Variants in NDRG3 observed in about 807,000 individuals in gnomAD.
NDRG3 encodes the protein NDRG family member 3.
In NDRG3, 23 loss-of-function variants were observed where a neutral mutation model predicts 57.2. The ratio of observed to expected loss-of-function variants is 0.40; its 90% CI spans 0.29 to 0.57. NDRG3 has a LOEUF of 0.57. NDRG3 is among the 20% of genes least tolerant of loss of function. NDRG3 has a pLI of 0.42. For missense variants in NDRG3, 384 were observed against 457.3 expected, an observed-to-expected ratio of 0.84 and a Z score of 1.46; for synonymous variants, 132 against 162.6, an observed-to-expected ratio of 0.81 and a Z score of 1.43.
intron 1 of NDRG3, among the ~76,000 whole-genome samples, chr20:36,723,424 T>C (rs1386318976): frequency 6.6e-6 from 1 of 152,112 alleles, no homozygotes; most frequent in Non-Finnish European, 1.5e-5. Context: ...GTCTTGGCCC[T>C]AAACCTATCA....
chr20:36,745,967 A>T, intron 1 of NDRG3, 78 bp downstream of exon 1: 2 of 290,120 alleles, frequency 6.9e-6, no homozygotes, highest in Non-Finnish European at 6.5e-6. Flanking sequence ...GATGCGGGGA[A>T]GGAGCAGGGC....
At chr20:36,654,754 C>T in intron 15 of NDRG3, 2 of 779,382 alleles carry the variant, frequency 2.6e-6, no homozygotes, top group Non-Finnish European at 2.4e-6. Context: ...GCCAGTGCAG[C>T]CAGGAGAGAC....
chr20:36,687,505 A>G lies in NDRG3; in HGVS notation c.307T>C (p.Ser103Pro), dbSNP rs1471327837. Residue 103 changes from serine to proline, a missense_variant, in exon 5 of 16, where the codon TCT becomes CCT. Physicochemically the swap from Ser to Pro is moderately conservative, Grantham distance 74. Coordinates refer to ENST00000349004, the MANE Select transcript of NDRG3 (RefSeq NM_032013.4). ...DAPGQQEGAP[S>P]FPTGYQYPTM... ...TCGTGGCCTTACCCTGTTGGGAAAG[A>G]GGGTGCACCTTCCTGCTGGCCTGGG... 1.2e-6 allele frequency: 2 copies of G among 1,613,616 alleles called. No individual in the cohort carries two copies. The highest frequency in any genetic ancestry group is 2.7e-5 in the African/African-American group (2 of 74,920).
chr20:36,738,064 A>C (rs77470432), intron 1 of NDRG3, among the ~76,000 whole-genome samples: 4 of 137,680 alleles, frequency 2.9e-5, no homozygotes, highest in Non-Finnish European at 6.6e-5. Flanking sequence ...CTCTGTCTCA[A>C]AAAAAAAAAA....
At chr20:36,681,589 T>C (rs542179983) in intron 7 of NDRG3, among the ~76,000 whole-genome samples, 3 of 146,042 alleles carry the variant, frequency 2.1e-5, no homozygotes, top group South Asian at 4.4e-4. Flanking sequence ...TGAGCCGAGA[T>C]TGCACCACTG....
chr20:36,719,939 AC>A (rs1457575421), intron 2 of NDRG3, among the ~76,000 whole-genome samples: 1 of 151,682 alleles, frequency 6.6e-6, no homozygotes, highest in Non-Finnish European at 1.5e-5. Context: ...ACATGGTGAA[AC>A]CCTGTCTCTA....
In NDRG3 at chr20:36,665,439, T is replaced by G. The variant is rs578132234; in HGVS notation, c.693-138A>C. The G allele has an allele frequency of 1.6e-4, 123 of 785,276 alleles. 1 individual carries two copies. The South Asian group carries it at 1.9e-3, about 12-fold the overall frequency. 48.6% of individuals were successfully genotyped at this position (785,276 alleles called of 1,614,324 possible). On this transcript the variant is annotated intron_variant, in intron 10 of 15. Transcript: ENST00000349004. ...TCACACCTGAGAAGGGAAGAGGCCC[T>G]ATGACTTGGTTCTTGAGTCGCCATT...
At chr20:36,667,761 TTAGAGAAA>T (rs1441913546) in intron 9 of NDRG3, among the ~76,000 whole-genome samples, 1 of 151,824 alleles carries the variant, frequency 6.6e-6, no homozygotes, top group Non-Finnish European at 1.5e-5. Context: ...CCAAGACTTG[TTAGAGAAA>T]TAGAGACATG....
rs34146274 is a variant in NDRG3 at position 36,674,886 on chromosome 20, A to ATTTT, written c.532-3493_532-3490dup. Among the ~76,000 whole-genome samples the ATTTT allele has an allele frequency of 4.3e-4, 17 of 39,694 alleles. 1 individual carries two copies. The highest frequency in any genetic ancestry group is 5.6e-4 in the Non-Finnish European group (13 of 23,278). 26.0% of individuals were successfully genotyped at this position (39,694 alleles called of 152,430 possible). A position where few individuals can be genotyped will look rare whatever the true frequency, so the allele number is the denominator to read the frequency against. On this transcript the variant is annotated intron_variant, in intron 8 of 15. Coordinates refer to ENST00000349004, the MANE Select transcript of NDRG3 (RefSeq NM_032013.4). ...GGCATGAGCCACCATGCCCAGCCAG[A>ATTTT]TTTTTTTTTTTTTTTTTTTTTTTTT...
intron 2 of NDRG3, among the ~76,000 whole-genome samples, chr20:36,715,768 C>G (rs1357255252): frequency 9.9e-5 from 15 of 151,742 alleles, no homozygotes. Flanking sequence ...GTGGTAGAGA[C>G]TGCAGCAAGC....
intron 1 of NDRG3, among the ~76,000 whole-genome samples, chr20:36,723,086 C>T (rs1478493627): frequency 6.6e-6 from 1 of 152,202 alleles, no homozygotes; most frequent in Non-Finnish European, 1.5e-5. Context: ...GCTACAGCCC[C>T]AGGGACACCT....
chr20:36,664,616 G>A (rs1337451510), intron 12 of NDRG3, among the ~76,000 whole-genome samples: 1 of 152,178 alleles, frequency 6.6e-6, no homozygotes, highest in Non-Finnish European at 1.5e-5. Flanking sequence ...ATGACAAAGA[G>A]CAAACCCTGA....
chr20:36,709,404 C>T (rs182518099), intron 2 of NDRG3, among the ~76,000 whole-genome samples: 8 of 152,134 alleles, frequency 5.3e-5, no homozygotes, highest in African/African-American at 1.9e-4. Flanking sequence ...AACAGATTAC[C>T]AATCATAGAG....
chr20:36,737,355 A>C (rs890144842), intron 1 of NDRG3, among the ~76,000 whole-genome samples: 1 of 152,142 alleles, frequency 6.6e-6, no homozygotes, highest in Admixed American at 6.6e-5. Context: ...AGATGGCTCC[A>C]GGTTCCTGCC....
rs555004200 is a variant in NDRG3 at position 36,710,050 on chromosome 20, T to G, written c.58-3043A>C. 1.6e-4 allele frequency among the ~76,000 whole-genome samples: 25 copies of G among 152,322 alleles called. 1 individual carries two copies. In the East Asian group the frequency reaches 4.8e-3, roughly 29 times the overall value. Reference sequence around the variant, plus strand: ...AAAAAGACTAAAAGGCCGGGCACAGTGGCTCATGCCTATAATCCTATCACT... The same window carrying G: ...AAAAAGACTAAAAGGCCGGGCACAGGGGCTCATGCCTATAATCCTATCACT... On this transcript the variant is annotated intron_variant, in intron 2 of 15. Coordinates refer to ENST00000349004, the MANE Select transcript of NDRG3 (RefSeq NM_032013.4).
intron 1 of NDRG3, among the ~76,000 whole-genome samples, chr20:36,738,107 C>T (rs1321306502): frequency 6.6e-6 from 1 of 151,634 alleles, no homozygotes; most frequent in East Asian, 1.9e-4. Flanking sequence ...ATTTAGGTAT[C>T]GTTATTATCA....
Position 36,665,101 on chromosome 20 carries a change from G to T in NDRG3, c.759-4C>A. ...TACCACCAGTAAAGTAGAACACCTA[G>T]GTAGGCAAAGTAAGAGGTGTCACTC... On this transcript the variant is annotated splice_polypyrimidine_tract_variant and splice_region_variant and intron_variant, in intron 11 of 15. Transcript: ENST00000349004. The T allele has an allele frequency of 6.2e-7, 1 of 1,613,994 alleles. No homozygotes were observed.
chr20:36,721,923 C>T (rs1033214046), intron 1 of NDRG3, 140 bp from the exon 2 acceptor site: 3 of 537,784 alleles, frequency 5.6e-6, no homozygotes, highest in Non-Finnish European at 6.5e-6. Context: ...CACATAGTTA[C>T]GGCAGATAGA....
chr20:36,685,055 A>G (rs1981662683), intron 5 of NDRG3, among the ~76,000 whole-genome samples: 1 of 152,058 alleles, frequency 6.6e-6, no homozygotes, highest in African/African-American at 2.4e-5. Flanking sequence ...AACTAGTAAC[A>G]TGGTTCTCTC....
Sources: allele counts gnomAD v4.1 joint callset (sites outside exome capture counted in the v4.1 genomes callset), GRCh38; gene constraint gnomAD v4.1.1; transcripts MANE v1.5; gene names NCBI Gene and HGNC (gene_info 2026-07-23, HGNC 2026-07-21).